Variants in NTRK3 observed in about 807,000 individuals in gnomAD.
The protein encoded by NTRK3 is neurotrophic receptor tyrosine kinase 3.
A neutral mutation model predicts 91.7 loss-of-function variants in NTRK3; 24 were observed. That is an observed-to-expected ratio of 0.26 (90% CI 0.19 to 0.37). The LOEUF is 0.37. Among genes scored for constraint, NTRK3 ranks in the 10% least tolerant of loss-of-function variants. The pLI, the probability that NTRK3 is intolerant of heterozygous loss-of-function variation, is 1.00. For missense variants in NTRK3, 880 were observed against 1,068.9 expected (o/e 0.82, Z 2.46); for synonymous variants, 483 against 404.0 (o/e 1.20, Z -2.34).
At chr15:88,056,963 G>A (rs1380276834) in intron 13 of NTRK3, among the ~76,000 whole-genome samples, 1 of 151,980 alleles carries the variant, frequency 6.6e-6, no homozygotes, top group African/African-American at 2.4e-5. Flanking sequence ...GAGGTCAGGA[G>A]ATCGAGACCA....
intron 13 of NTRK3, among the ~76,000 whole-genome samples, chr15:88,099,737 C>T (rs1297571351): frequency 6.6e-6 from 1 of 152,180 alleles, no homozygotes. Flanking sequence ...TTAAAAGCAA[C>T]TGTCTTTTAT....
At chr15:87,950,666 T>C (rs1567143508) in intron 14 of NTRK3, among the ~76,000 whole-genome samples, 1 of 152,148 alleles carries the variant, frequency 6.6e-6, no homozygotes, top group African/African-American at 2.4e-5. Context: ...TAAGAAAATA[T>C]CCACCTCATT....
At chr15:88,210,265 T>C (rs1339201097) in intron 3 of NTRK3, among the ~76,000 whole-genome samples, 1 of 152,178 alleles carries the variant, frequency 6.6e-6, no homozygotes, top group Non-Finnish European at 1.5e-5. Flanking sequence ...CCTCTAACTG[T>C]GCTGGCCTCC....
At chr15:88,256,442 G>A in exon 2 of NTRK3, 1 of 542,388 alleles carries the variant, frequency 1.8e-6, no homozygotes, top group Non-Finnish European at 3.2e-6. Flanking sequence ...CTGACTCGCC[G>A]GGTCCGGGGG....
chr15:88,030,894 T>C (rs563124060), intron 14 of NTRK3, among the ~76,000 whole-genome samples: 182 of 152,356 alleles, frequency 1.2e-3, no homozygotes, highest in Middle Eastern at 6.8e-3. Flanking sequence ...TTGTGGTCTA[T>C]TCCAGACCAC....
intron 10 of NTRK3, chr15:88,132,142 C>T (rs572456908): frequency 6.1e-5 from 11 of 180,144 alleles, no homozygotes; most frequent in Non-Finnish European, 1.2e-4. Context: ...GCCCTGGCAA[C>T]GTGGTTCCAT....
chr15:88,184,575 G>C (rs951845634), intron 3 of NTRK3, among the ~76,000 whole-genome samples: 1 of 152,204 alleles, frequency 6.6e-6, no homozygotes, highest in Non-Finnish European at 1.5e-5. Context: ...GCTAGAAAAA[G>C]ATGCTAAAGA....
At chr15:87,940,189 C>T (rs950772132) in intron 15 of NTRK3, among the ~76,000 whole-genome samples, 1 of 152,140 alleles carries the variant, frequency 6.6e-6, no homozygotes, top group Non-Finnish European at 1.5e-5. Flanking sequence ...CTTCTGTGCC[C>T]TTGGGAAGTG....
rs12101812 is a variant in NTRK3, at chr15:87,953,766, C to T, written c.1586-13013G>A. On this transcript the variant is annotated intron_variant, in intron 14 of 18. Coordinates refer to ENST00000394480, the Ensembl canonical transcript of NTRK3. ...CAACTCCCCTTTCTTATCAGCCTGG[C>T]GGACATTTCCTCTCTGCTTTTTCAG... Among the ~76,000 whole-genome samples, 12 of 152,064 alleles carry T rather than the reference C, an allele frequency of 7.9e-5. No homozygotes were observed. The East Asian group carries it at 1.7e-3, about 22-fold the overall frequency.
At chr15:88,101,497 C>T (rs1209369055) in intron 13 of NTRK3, among the ~76,000 whole-genome samples, 2 of 152,194 alleles carry the variant, frequency 1.3e-5, no homozygotes, top group Admixed American at 6.5e-5. Flanking sequence ...TACCATTTGA[C>T]CCAGCCATCC....
intron 10 of NTRK3, among the ~76,000 whole-genome samples, chr15:88,134,792 G>A (rs2151186542): frequency 6.6e-6 from 1 of 152,318 alleles, no homozygotes; most frequent in African/African-American, 2.4e-5. Flanking sequence ...CTCCCCACAA[G>A]TAAAGGGCTG....
At chr15:87,986,746 A>G (rs2074834050) in intron 14 of NTRK3, among the ~76,000 whole-genome samples, 1 of 152,230 alleles carries the variant, frequency 6.6e-6, no homozygotes, top group Admixed American at 6.5e-5. Context: ...TATTACACAC[A>G]TATCTGTATG....
chr15:87,923,500 G>A (rs2068045320), intron 17 of NTRK3, among the ~76,000 whole-genome samples: 1 of 152,132 alleles, frequency 6.6e-6, no homozygotes, highest in African/African-American at 2.4e-5. Flanking sequence ...CTCCTCCAGT[G>A]AATTCACCTA....
intron 13 of NTRK3, among the ~76,000 whole-genome samples, chr15:88,092,572 T>C (rs2049122749): frequency 6.6e-6 from 1 of 152,200 alleles, no homozygotes; most frequent in Non-Finnish European, 1.5e-5. Context: ...GTGTGTCCAT[T>C]TCTTATGGCT....
rs184015113 is a variant in NTRK3 at position 88,122,902 on chromosome 15, C to T, written c.1396+3369G>A. ...TTCAACAAGCAATTGTCAAATGTTG[C>T]GTGGTGTTTTCAGGCATACTAGGCT... On this transcript the variant is annotated intron_variant, in intron 13 of 18. Transcript: ENST00000394480. Among the ~76,000 whole-genome samples the T allele has an allele frequency of 2.9e-3, 434 of 152,226 alleles. 3 individuals carry two copies. The Middle Eastern group carries it at 0.037, about 13-fold the overall frequency.
At chr15:88,110,818 A>T (rs1265920725) in intron 13 of NTRK3, among the ~76,000 whole-genome samples, 1 of 152,162 alleles carries the variant, frequency 6.6e-6, no homozygotes, top group Non-Finnish European at 1.5e-5. Context: ...CCAGGAGTCT[A>T]CTACAGAACC....
chr15:88,181,410 G>A (rs2046442311), intron 5 of NTRK3, among the ~76,000 whole-genome samples: 1 of 152,068 alleles, frequency 6.6e-6, no homozygotes, highest in South Asian at 2.1e-4. Context: ...ACATGCTCTG[G>A]TACAACCCAC....
chr15:88,109,910 A>T (rs1002308972), intron 13 of NTRK3, among the ~76,000 whole-genome samples: 5 of 152,184 alleles, frequency 3.3e-5, no homozygotes. Context: ...CCCTCAACAC[A>T]TTAACTGAGT....
At chr15:88,219,168 A>G (rs893358131) in intron 3 of NTRK3, among the ~76,000 whole-genome samples, 2 of 152,250 alleles carry the variant, frequency 1.3e-5, no homozygotes, top group East Asian at 3.8e-4. Context: ...GCAGAGAGAG[A>G]AGCCCATTAG....
Sources: allele counts gnomAD v4.1 joint callset (sites outside exome capture counted in the v4.1 genomes callset), GRCh38; gene constraint gnomAD v4.1.1; transcripts MANE v1.5; gene names NCBI Gene and HGNC (gene_info 2026-07-23, HGNC 2026-07-21).